The following RUFY1 variants were observed in gnomAD, a reference collection of about 807,000 sequenced individuals.
RUFY1 encodes the protein RUN and FYVE domain-containing protein 1.
RUFY1 carries 54 observed loss-of-function variants against 94.6 expected under a neutral mutation model. The observed-to-expected ratio is 0.57, with a 90% CI of 0.46 to 0.72. RUFY1 has a LOEUF of 0.72. Ranked by LOEUF, RUFY1 falls within the 30% of genes least tolerant of loss-of-function variation. The probability of loss-of-function intolerance (pLI) is 0.00; values close to 1 mark genes in which losing one functional copy is unlikely to be tolerated. For synonymous variants in RUFY1, 396 were observed against 347.3 expected, an observed-to-expected ratio of 1.14 and a Z score of -1.56; for missense variants, 883 against 883.9, an observed-to-expected ratio of 1.00 and a Z score of 0.01.
At chr5:179,591,578 G>T in intron 9 of RUFY1, 47 bp from the exon 10 acceptor site, 2 of 1,135,126 alleles carry the variant, frequency 1.8e-6, no homozygotes, top group Non-Finnish European at 2.6e-6. Flanking sequence ...TAATTAGCTT[G>T]CTTTCCATAA....
chr5:179,589,773 A>G, intron 9 of RUFY1, 126 bp downstream of exon 9: 1 of 748,436 alleles, frequency 1.3e-6, no homozygotes, highest in Non-Finnish European at 2.4e-6. Flanking sequence ...TATGTCAGAA[A>G]GGGCCTCTCA....
chr5:179,598,121 C>CAG (rs1765867005), intron 13 of RUFY1: 1 of 152,686 alleles, frequency 6.5e-6, no homozygotes, highest in Admixed American at 6.5e-5. Flanking sequence ...ACCCAGGAGG[C>CAG]AGAGGTTGCA....
chr5:179,579,285 T>C (rs1483230556), intron 6 of RUFY1, among the ~76,000 whole-genome samples: 1 of 152,236 alleles, frequency 6.6e-6, no homozygotes, highest in African/African-American at 2.4e-5. Context: ...ATTCTTTTAT[T>C]TCATATCAGG....
intron 1 of RUFY1, 120 bp downstream of exon 1, chr5:179,550,999 T>G: frequency 1.1e-6 from 1 of 879,694 alleles, no homozygotes; most frequent in African/African-American, 1.8e-5. Context: ...ACGCGAGCTG[T>G]TGGCGGGCGG....
chr5:179,600,684 C>CTTTTTTTTTTTTTTTTTTTT (rs398000079), intron 14 of RUFY1, among the ~76,000 whole-genome samples: 1 of 54,662 alleles, frequency 1.8e-5, no homozygotes, highest in African/African-American at 8.0e-5. Context: ...ATGATGGTAA[C>CTTTTTTTTTTTTTTTTTTTT]TTTTTTTTTT....
intron 1 of RUFY1, among the ~76,000 whole-genome samples, chr5:179,554,739 G>A (rs1762024805): frequency 9.9e-5 from 15 of 151,688 alleles, no homozygotes; most frequent in East Asian, 2.0e-4. Flanking sequence ...AGGCCGAGGC[G>A]GGCGGATCAT....
chr5:179,563,111 C>G (rs575736485), intron 3 of RUFY1, among the ~76,000 whole-genome samples: 5 of 152,118 alleles, frequency 3.3e-5, no homozygotes, highest in Admixed American at 6.6e-5. Context: ...GGCTCAAAAT[C>G]AAAAACAGTC....
chr5:179,578,518 CTAG>C (rs1204378429), intron 6 of RUFY1, among the ~76,000 whole-genome samples: 2 of 151,946 alleles, frequency 1.3e-5, no homozygotes, highest in East Asian at 3.9e-4. Context: ...CGCGCCCAGT[CTAG>C]TATCTTTTTA....
At position 179,550,689 on chromosome 5, in the gene RUFY1, C is replaced by T; in HGVS notation, c.120C>T (p.Asp40=). The T allele has an allele frequency of 1.3e-6, 2 of 1,497,538 alleles. No homozygotes were observed. The highest frequency in any genetic ancestry group is 1.2e-5 in the South Asian group (1 of 80,644). 92.8% of individuals were successfully genotyped at this position (1,497,538 alleles called of 1,614,324 possible). The part of the protein sequence containing the change: ...LEPGEEFEIV[D]RSQLPGPGDL... Reference sequence around the variant, plus strand: ...CGGGAGAAGAGTTTGAGATCGTGGACCGAAGCCAGCTGCCCGGCCCAGGCG... The same window carrying T: ...CGGGAGAAGAGTTTGAGATCGTGGATCGAAGCCAGCTGCCCGGCCCAGGCG... The change falls in exon 1 of 18, where the codon GAC becomes GAT. Residue 40 remains aspartate, a synonymous_variant. Transcript: ENST00000319449.
At chr5:179,596,525 T>C in intron 12 of RUFY1, 37 bp from the exon 13 acceptor site, 1 of 1,613,346 alleles carries the variant, frequency 6.2e-7, no homozygotes, top group Non-Finnish European at 8.5e-7. Flanking sequence ...CTTACAAAGA[T>C]TTGCTTCATT....
intron 2 of RUFY1, 43 bp from the exon 3 acceptor site, chr5:179,562,504 T>C (rs1471697295): frequency 2.4e-6 from 3 of 1,235,434 alleles, no homozygotes; most frequent in Non-Finnish European, 3.6e-6. Flanking sequence ...GAAGAAATTT[T>C]GCAACCTGTT....
chr5:179,562,279 G>T (rs937086141), intron 2 of RUFY1, among the ~76,000 whole-genome samples: 2 of 152,060 alleles, frequency 1.3e-5, no homozygotes, highest in Non-Finnish European at 2.9e-5. Flanking sequence ...GGCGTTGTGG[G>T]CACCTGTAAC....
chr5:179,609,666 C>T lies in RUFY1; in HGVS notation c.*147C>T, dbSNP rs918736878. ...ACTGGCACTCCAGAAGACAGCGTGC[C>T]GGAACCGGCAGCTCTCACCTTTCTG... is the stretch of plus-strand genomic sequence containing the variant. On this transcript the variant is annotated 3_prime_UTR_variant, in exon 18 of 18. Transcript: ENST00000319449. 42 of 736,152 alleles carry T rather than the reference C, an allele frequency of 5.7e-5. No homozygotes were observed. The highest frequency in any genetic ancestry group is 8.5e-5 in the Non-Finnish European group (41 of 483,398). 45.6% of individuals were successfully genotyped at this position (736,152 alleles called of 1,614,324 possible).
intron 7 of RUFY1, among the ~76,000 whole-genome samples, chr5:179,582,342 C>T (rs1237544361): frequency 2.0e-5 from 3 of 152,128 alleles, no homozygotes; most frequent in African/African-American, 7.2e-5. Context: ...TTGCCCACCT[C>T]AGCCTCCCAA....
intron 10 of RUFY1, among the ~76,000 whole-genome samples, chr5:179,592,738 A>G (rs1226422560): frequency 6.6e-6 from 1 of 152,224 alleles, no homozygotes; most frequent in East Asian, 1.9e-4. Context: ...GGATGCAGGG[A>G]AACATGTCCT....
intron 17 of RUFY1, 124 bp from the exon 18 acceptor site, chr5:179,609,252 C>A: frequency 3.2e-6 from 3 of 928,432 alleles, no homozygotes; most frequent in Non-Finnish European, 4.8e-6. Flanking sequence ...CAGCCCCTCA[C>A]CACCCCACAG....
chr5:179,599,154 A>T, intron 14 of RUFY1: 1 of 242,624 alleles, frequency 4.1e-6, no homozygotes, highest in Non-Finnish European at 7.9e-6. Flanking sequence ...TTGGGTGGAG[A>T]CTGCAGGAGC....
rs746612462 is a variant in RUFY1, at chr5:179,591,406, G to C, written c.1129-219G>C. Among the ~76,000 whole-genome samples the C allele has an allele frequency of 2.7e-5, 4 of 149,060 alleles. No individual in the cohort carries two copies. The East Asian group carries it at 6.1e-4, about 23-fold the overall frequency. ...TCACCATGTTAGCCAGGATGGTCTC[G>C]ATCGCCTGACCTCGTGATCCGCCCG... On this transcript the variant is annotated intron_variant, in intron 9 of 17. Coordinates refer to ENST00000319449, the MANE Select transcript of RUFY1 (RefSeq NM_025158.5).
intron 14 of RUFY1, among the ~76,000 whole-genome samples, chr5:179,600,896 C>A (rs1033701484): frequency 3.9e-5 from 6 of 151,940 alleles, no homozygotes; most frequent in Admixed American, 3.3e-4. Context: ...AGGGGTTTTG[C>A]CATGTTGGCC....
Sources: allele counts gnomAD v4.1 joint callset (sites outside exome capture counted in the v4.1 genomes callset), GRCh38; gene constraint gnomAD v4.1.1; transcripts MANE v1.5; gene names NCBI Gene and HGNC (gene_info 2026-07-23, HGNC 2026-07-21).